WARS2: variants seen among roughly 807,000 people sequenced by gnomAD.
The protein encoded by WARS2 is tryptophan--tRNA ligase, mitochondrial.
A neutral mutation model predicts 36.5 loss-of-function variants in WARS2; 28 were observed. The observed-to-expected ratio is 0.77, with a 90% confidence interval of 0.57 to 1.05. The LOEUF (loss-of-function observed/expected upper bound fraction) is 1.05, where lower values mean the gene tolerates loss of function less well. WARS2 is among the 50% of genes least tolerant of loss of function. The pLI is 0.00. For missense variants in WARS2, 435 were observed against 456.8 expected, an observed-to-expected ratio of 0.95 and a Z score of 0.44; for synonymous variants, 174 against 178.4, an observed-to-expected ratio of 0.98 and a Z score of 0.20.
At chr1:119,095,583 C>A (rs1398268783) in intron 1 of WARS2, among the ~76,000 whole-genome samples, 1 of 152,146 alleles carries the variant, frequency 6.6e-6, no homozygotes, top group Non-Finnish European at 1.5e-5. Context: ...CAGGCGCCTG[C>A]CACCGCGCCC....
At chr1:119,051,203 GC>G in intron 2 of WARS2, among the ~76,000 whole-genome samples, 1 of 151,908 alleles carries the variant, frequency 6.6e-6, no homozygotes, top group South Asian at 2.1e-4. Context: ...CCTTAAGTAG[GC>G]CCCAGTGTCT....
chr1:119,054,286 T>G (rs1229665787), intron 2 of WARS2, among the ~76,000 whole-genome samples: 1 of 151,662 alleles, frequency 6.6e-6, no homozygotes, highest in Admixed American at 6.6e-5. Flanking sequence ...AACAAACATA[T>G]GAAAGAGATG....
intron 1 of WARS2, among the ~76,000 whole-genome samples, chr1:119,083,401 G>A (rs1188105378): frequency 1.3e-5 from 2 of 152,108 alleles, no homozygotes; most frequent in Non-Finnish European, 2.9e-5. Context: ...CTGGTGCCTC[G>A]CTCTTGAACT....
At chr1:119,135,068 T>C (rs1656389460) in intron 1 of WARS2, among the ~76,000 whole-genome samples, 1 of 152,202 alleles carries the variant, frequency 6.6e-6, no homozygotes. Context: ...CATGTACTCT[T>C]ATGTAGCTTA....
intron 2 of WARS2, chr1:119,063,439 A>G (rs1188410080): frequency 1.3e-5 from 2 of 152,208 alleles, no homozygotes; most frequent in African/African-American, 2.4e-5. Flanking sequence ...CCCGCTGCAG[A>G]AATTTGCATA....
chr1:119,106,843 T>C (rs933435164), intron 1 of WARS2, among the ~76,000 whole-genome samples: 2 of 152,188 alleles, frequency 1.3e-5, no homozygotes, highest in African/African-American at 2.4e-5. Context: ...GAGTGCCAGA[T>C]TGTATGGTAA....
In WARS2 at chr1:119,140,624, C is replaced by G. The variant is rs1170185141; in HGVS notation, c.21G>C (p.Arg7=). The change falls in exon 1 of 6, where the codon CGG becomes CGC. Residue 7 remains arginine, a synonymous_variant. Transcript: ENST00000235521. MALHSM[R]KARERWSFIR... is the part of the protein sequence containing the mutation. ...TGAAGCTCCAGCGCTCACGCGCTTT[C>G]CGCATTGAGTGCAGCGCCATCTTGA... 4.3e-6 allele frequency: 7 copies of G among 1,613,724 alleles called. No individual in the cohort carries two copies. Among genetic ancestry groups the G allele is most frequent in the Non-Finnish European group, 5.9e-6 (7 of 1,179,852 alleles).
chr1:119,088,469 A>AC (rs1652826171), intron 1 of WARS2, among the ~76,000 whole-genome samples: 1 of 114,520 alleles, frequency 8.7e-6, no homozygotes, highest in East Asian at 3.7e-4. Context: ...CACACACACA[A>AC]ATAAAAGGAC....
At chr1:119,090,531 G>T (rs994982428) in intron 1 of WARS2, among the ~76,000 whole-genome samples, 5 of 152,200 alleles carry the variant, frequency 3.3e-5, no homozygotes, top group South Asian at 2.1e-4. Context: ...TTTTTGTATT[G>T]TTTAACTTTT....
At chr1:119,076,238 C>A in intron 2 of WARS2, 112 bp downstream of exon 2, 1 of 1,354,124 alleles carries the variant, frequency 7.4e-7, no homozygotes, top group South Asian at 1.5e-5. Context: ...GAAAAAGTCA[C>A]CTTCAAACAC....
rs1223772138 is a variant in WARS2, at chr1:119,140,638, G to T, written c.7C>A (p.Leu3Met). The stretch of plus-strand genomic sequence containing the variant: ...TCACGCGCTTTCCGCATTGAGTGCA[G>T]CGCCATCTTGAGAAGGGCGGAGCCG... MA[L>M]HSMRKARERW... The change falls in exon 1 of 6, where the codon CTG becomes ATG. Residue 3 changes from leucine (L) to methionine (M), a missense_variant. Physicochemically the swap from Leu to Met is conservative, Grantham distance 15. Coordinates refer to ENST00000235521, the MANE Select transcript of WARS2 (RefSeq NM_015836.4). 2 of 1,612,646 alleles carry T rather than the reference G, an allele frequency of 1.2e-6. No individual in the cohort carries two copies. Among genetic ancestry groups the T allele is most frequent in the Non-Finnish European group, 1.7e-6 (2 of 1,179,144 alleles).
chr1:119,125,713 C>A (rs1049139084), intron 1 of WARS2, among the ~76,000 whole-genome samples: 2 of 152,084 alleles, frequency 1.3e-5, no homozygotes, highest in Non-Finnish European at 2.9e-5. Flanking sequence ...TTATTCAGGC[C>A]TCTGTTATTA....
chr1:119,131,758 C>T (rs1656132975), intron 1 of WARS2, among the ~76,000 whole-genome samples: 1 of 151,924 alleles, frequency 6.6e-6, no homozygotes, highest in African/African-American at 2.4e-5. Flanking sequence ...ACAGCGCCGG[C>T]CCGGACTGTA....
At chr1:119,082,610 T>C (rs1261926634) in intron 1 of WARS2, 1 of 243,374 alleles carries the variant, frequency 4.1e-6, no homozygotes, top group East Asian at 1.8e-4. Flanking sequence ...GAATGCAATT[T>C]AGAACTTCTT....
chr1:119,043,630 A>G (rs763282404), intron 3 of WARS2, among the ~76,000 whole-genome samples: 3 of 152,218 alleles, frequency 2.0e-5, no homozygotes, highest in Non-Finnish European at 2.9e-5. Context: ...AGTTCATGAT[A>G]AAGGCTAGTT....
intron 4 of WARS2, among the ~76,000 whole-genome samples, chr1:119,041,281 T>TAAA (rs1357238960): frequency 1.3e-5 from 2 of 152,172 alleles, no homozygotes; most frequent in Non-Finnish European, 2.9e-5. Context: ...CCTAAGCACA[T>TAAA]GCCAATTGGG....
At chr1:119,059,759 A>T (rs1353808754) in intron 2 of WARS2, among the ~76,000 whole-genome samples, 1 of 152,198 alleles carries the variant, frequency 6.6e-6, no homozygotes, top group Non-Finnish European at 1.5e-5. Flanking sequence ...TCAATATTTA[A>T]AAAAAGTAGA....
At chr1:119,095,113 A>G (rs1653334105) in intron 1 of WARS2, among the ~76,000 whole-genome samples, 1 of 152,150 alleles carries the variant, frequency 6.6e-6, no homozygotes, top group Non-Finnish European at 1.5e-5. Context: ...AGTAAGAAAA[A>G]AATCATATTT....
intron 2 of WARS2, among the ~76,000 whole-genome samples, chr1:119,068,451 A>G (rs2101262731): frequency 6.6e-6 from 1 of 152,278 alleles, no homozygotes; most frequent in Non-Finnish European, 1.5e-5. Flanking sequence ...CTGGGAAACA[A>G]CATAACTCTA....
Sources: allele counts gnomAD v4.1 joint callset (sites outside exome capture counted in the v4.1 genomes callset), GRCh38; gene constraint gnomAD v4.1.1; transcripts MANE v1.5; gene names NCBI Gene and HGNC (gene_info 2026-07-23, HGNC 2026-07-21).